The following PHF21B variants were observed in gnomAD, a reference collection of about 807,000 sequenced individuals.
PHF21B encodes the protein PHD finger protein 4.
In PHF21B, 22 loss-of-function variants were observed where a neutral mutation model predicts 62.2. The observed-to-expected ratio is 0.35, with a 90% CI of 0.25 to 0.51. The LOEUF (loss-of-function observed/expected upper bound fraction) is 0.51, where lower values mean the gene tolerates loss of function less well. Ranked by LOEUF, PHF21B falls within the 20% of genes least tolerant of loss-of-function variation. PHF21B has a pLI of 0.97. For synonymous variants in PHF21B, 341 were observed against 314.7 expected (o/e 1.08, Z -0.88); for missense variants, 701 against 707.9 (o/e 0.99, Z 0.11).
intron 6 of PHF21B, among the ~76,000 whole-genome samples, chr22:44,895,718 G>C (rs960528750): frequency 6.6e-6 from 1 of 152,216 alleles, no homozygotes; most frequent in African/African-American, 2.4e-5. Flanking sequence ...GCTGAAACAA[G>C]GAAGTGCCAC....
At position 44,921,955 on chromosome 22, in the gene PHF21B, G is replaced by A. The variant is rs145602018; in HGVS notation, c.121-1465C>T. The stretch of plus-strand genomic sequence containing the variant: ...ATTATAGGCATGAGCCACCGCGCCC[G>A]GTCCTGATGGAGCAGTTCTACATGG... On this transcript the variant is annotated intron_variant, in intron 2 of 12. Transcript: ENST00000313237. Among the ~76,000 whole-genome samples, 10 of 152,188 alleles carry A rather than the reference G, an allele frequency of 6.6e-5. No individual in the cohort carries two copies. The East Asian group carries it at 7.8e-4, about 12-fold the overall frequency.
At position 44,885,439 on chromosome 22, in the gene PHF21B, G is replaced by T. The variant is rs753448825; in HGVS notation, c.1364C>A (p.Ala455Glu). 8 of 1,579,100 alleles carry T rather than the reference G, an allele frequency of 5.1e-6. No homozygotes were observed. Among genetic ancestry groups the T allele is most frequent in the Non-Finnish European group, 6.9e-6 (8 of 1,164,668 alleles). Residue 455 changes from alanine to glutamate, a missense_variant, in exon 12 of 13, where the codon GCG (alanine) becomes GAG (glutamate). Ala to Glu is a moderately radical substitution (Grantham distance 107, BLOSUM62 -1). Transcript: ENST00000313237. The stretch of plus-strand genomic sequence containing the variant: ...CCCGGGGCACACCTGCACTGCTGAC[G>T]CCAGCCGCCGGTCCCGCTCCTCCAG... ...QQLEERDRRLASAVQKCLELK... is the reference protein window; with the variant it reads ...QQLEERDRRLESAVQKCLELK...
intron 2 of PHF21B, among the ~76,000 whole-genome samples, chr22:44,960,833 C>T (rs2072403659): frequency 6.6e-6 from 1 of 152,090 alleles, no homozygotes; most frequent in South Asian, 2.1e-4. Flanking sequence ...ATGCATCAGC[C>T]TTTCTCAGGT....
intron 2 of PHF21B, among the ~76,000 whole-genome samples, chr22:44,936,600 A>C (rs1056886354): frequency 3.9e-5 from 6 of 152,240 alleles, no homozygotes; most frequent in African/African-American, 1.4e-4. Flanking sequence ...TTGAAGACTC[A>C]TGAAAAGATA....
At chr22:44,883,328 A>G in intron 12 of PHF21B, 24 bp from the exon 13 acceptor site, 1 of 1,609,120 alleles carries the variant, frequency 6.2e-7, no homozygotes, top group Non-Finnish European at 8.5e-7. Flanking sequence ...GGTCAGGGGA[A>G]AGGGTCTCAG....
intron 2 of PHF21B, among the ~76,000 whole-genome samples, chr22:44,947,704 G>C (rs2072103608): frequency 6.6e-6 from 1 of 152,220 alleles, no homozygotes; most frequent in Non-Finnish European, 1.5e-5. Context: ...TCCATGAAAG[G>C]CCTGAGGATA....
intron 6 of PHF21B, among the ~76,000 whole-genome samples, chr22:44,893,930 A>T (rs1023764781): frequency 3.3e-5 from 5 of 152,232 alleles, no homozygotes; most frequent in Non-Finnish European, 5.9e-5. Flanking sequence ...CAGCTCCCGG[A>T]AGCCCAGGAG....
chr22:45,008,627 G>A lies in PHF21B; in HGVS notation c.55-17C>T. 1 of 1,576,458 alleles carries A rather than the reference G, an allele frequency of 6.3e-7. No individual in the cohort carries two copies. Among genetic ancestry groups the A allele is most frequent in the South Asian group, 1.2e-5 (1 of 85,854 alleles). On this transcript the variant is annotated splice_polypyrimidine_tract_variant and intron_variant, in intron 1 of 12. Transcript: ENST00000313237. ...GTCGCCGTTCTGCGGAAACACGGAGGAGCGGGCTCAGGCAGGCCACCCGGG... is the reference window on the plus strand; with the variant it reads ...GTCGCCGTTCTGCGGAAACACGGAGAAGCGGGCTCAGGCAGGCCACCCGGG...
chr22:44,964,108 C>T (rs1428306402), intron 2 of PHF21B, among the ~76,000 whole-genome samples: 1 of 152,226 alleles, frequency 6.6e-6, no homozygotes, highest in Non-Finnish European at 1.5e-5. Context: ...GCATGTGTTT[C>T]CTGGGGCTGT....
In PHF21B at chr22:44,883,089, G is replaced by C. The variant is rs773533334; in HGVS notation, c.1593C>G (p.Asn531Lys). Residue 531 changes from asparagine to lysine, a missense_variant, in exon 13 of 13, where the codon AAC becomes AAG. Coordinates refer to ENST00000313237, the MANE Select transcript of PHF21B (RefSeq NM_138415.5). ...HPTVQHPQGH[N>K] ...TATGAAGACTGGTCCCTCGGGGTCAGTTGTGGCCCTGGGGGTGCTGGACGG... is the reference window on the plus strand; with the variant it reads ...TATGAAGACTGGTCCCTCGGGGTCACTTGTGGCCCTGGGGGTGCTGGACGG... The C allele has an allele frequency of 3.1e-6, 5 of 1,610,040 alleles. No individual in the cohort carries two copies. In the South Asian group the frequency reaches 5.5e-5, roughly 18 times the overall value.
rs184625727 is a variant in PHF21B at position 44,977,407 on chromosome 22, A to G, written c.120+31138T>C. ...TGGTGAAACCCCATCTTTACTAAAA[A>G]TACAAAAATTAGCCAGGTGTGGTTG... On this transcript the variant is annotated intron_variant, in intron 2 of 12. Transcript: ENST00000313237. 5.3e-3 allele frequency among the ~76,000 whole-genome samples: 808 copies of G among 152,250 alleles called. 13 individuals are homozygous for G. Among genetic ancestry groups the G allele is most frequent in the African/African-American group, 0.018 (751 of 41,550 alleles).
At chr22:44,962,271 C>G (rs2072439162) in intron 2 of PHF21B, among the ~76,000 whole-genome samples, 1 of 152,150 alleles carries the variant, frequency 6.6e-6, no homozygotes, top group African/African-American at 2.4e-5. Flanking sequence ...CCTCACATAA[C>G]TTTTTAATGA....
intron 2 of PHF21B, among the ~76,000 whole-genome samples, chr22:44,954,501 AGCTGGACC>A: frequency 6.6e-6 from 1 of 152,340 alleles, no homozygotes; most frequent in East Asian, 1.9e-4. Context: ...CCACCCTAGC[AGCTGGACC>A]CGGCACTAGC....
chr22:44,925,608 C>A (rs546876389), intron 2 of PHF21B, among the ~76,000 whole-genome samples: 1 of 152,190 alleles, frequency 6.6e-6, no homozygotes, highest in Non-Finnish European at 1.5e-5. Context: ...TTATGCAATG[C>A]GGAGCCCATG....
chr22:44,899,999 T>C (rs955963038), intron 5 of PHF21B, among the ~76,000 whole-genome samples: 3 of 152,336 alleles, frequency 2.0e-5, no homozygotes, highest in East Asian at 1.9e-4. Flanking sequence ...AATGGTTCTC[T>C]TTAATTTTTC....
intron 9 of PHF21B, among the ~76,000 whole-genome samples, chr22:44,889,238 A>G (rs551346776): frequency 4.8e-5 from 6 of 126,084 alleles, no homozygotes; most frequent in African/African-American, 1.2e-4. Flanking sequence ...TGACCAGCCA[A>G]TGTTCTGGGA....
At chr22:44,992,322 G>A (rs1228940904) in intron 2 of PHF21B, among the ~76,000 whole-genome samples, 35 of 151,708 alleles carry the variant, frequency 2.3e-4, no homozygotes, top group Admixed American at 2.3e-3. Flanking sequence ...AGGAACTGAC[G>A]GGGACGGGGT....
rs148998917 is a variant in PHF21B, at chr22:44,938,441, C to T, written c.121-17951G>A. Among the ~76,000 whole-genome samples the T allele has an allele frequency of 2.0e-4, 30 of 152,358 alleles. No homozygotes were observed. The East Asian group carries it at 5.6e-3, about 28-fold the overall frequency. ...TAGAGACAGGGTTTCTCCATGTTGG[C>T]CAGGCTGGTATCAACTCCTGATCTC... On this transcript the variant is annotated intron_variant, in intron 2 of 12. Transcript: ENST00000313237.
At chr22:44,984,101 TCATCACCACCATAAC>T (rs2072893645) in intron 2 of PHF21B, among the ~76,000 whole-genome samples, 1 of 137,256 alleles carries the variant, frequency 7.3e-6, no homozygotes, top group African/African-American at 2.7e-5. Context: ...ATCATCACCA[TCATCACCACCATAAC>T]CACCATCACC....
Sources: gnomAD v4.1 joint callset for allele counts (sites outside exome capture counted in the v4.1 genomes callset) on GRCh38, gnomAD v4.1.1 for gene constraint, MANE v1.5 for transcripts, NCBI Gene and HGNC (gene_info 2026-07-23, HGNC 2026-07-21) for gene names.